ACSM2B: variants seen among roughly 807,000 people sequenced by gnomAD.
ACSM2B encodes the protein acyl-coenzyme A synthetase ACSM2B, mitochondrial.
Under a neutral mutation model 78.6 loss-of-function variants are expected in ACSM2B, and 58 were observed. That is an observed-to-expected ratio of 0.74 (90% CI 0.60 to 0.92). The LOEUF is 0.92. Among genes scored for constraint, ACSM2B ranks in the 40% least tolerant of loss-of-function variants. ACSM2B has a pLI of 0.00. For missense variants in ACSM2B, 688 were observed against 711.2 expected (o/e 0.97, Z 0.37); for synonymous variants, 257 against 256.8 (o/e 1.00, Z -0.01).
At chr16:20,545,758 A>C (rs1211938187) in intron 9 of ACSM2B, among the ~76,000 whole-genome samples, 1 of 152,234 alleles carries the variant, frequency 6.6e-6, no homozygotes, top group African/African-American at 2.4e-5. Context: ...AGTGAATGGC[A>C]TGGCAAGTAA....
rs1435273991 is a variant in ACSM2B, at chr16:20,566,246, A to ATT, written c.-8-1395_-8-1394dup. Among the ~76,000 whole-genome samples, 178 of 42,344 alleles carry ATT rather than the reference A, an allele frequency of 4.2e-3. 2 individuals are homozygous for ATT. The highest frequency in any genetic ancestry group is 0.017 in the East Asian group (19 of 1,088). 27.8% of individuals were successfully genotyped at this position (42,344 alleles called of 152,430 possible). ...CCATACCATACTGCCTTCATGGAAG[A>ATT]TTATATATATATATATATATATATA... On this transcript the variant is annotated intron_variant, in intron 1 of 13. Transcript: ENST00000329697.
intron 5 of ACSM2B, among the ~76,000 whole-genome samples, chr16:20,552,643 G>T (rs905841123): frequency 4.6e-5 from 7 of 152,160 alleles, no homozygotes; most frequent in African/African-American, 1.7e-4. Flanking sequence ...CAAGACATCT[G>T]CATGGCAAAT....
rs781297967 is a variant in ACSM2B at position 20,541,677 on chromosome 16, C to CTTTTTTTTTTTTTTTTTTTTTTT, written c.1510-905_1510-904insAAAAAAAAAAAAAAAAAAAAAAA. On this transcript the variant is annotated intron_variant, in intron 12 of 13. Coordinates refer to ENST00000329697, the MANE Select transcript of ACSM2B (RefSeq NM_001105069.2). ...TCTTTTTTCCTTTCTTTTTCTTTTT[C>CTTTTTTTTTTTTTTTTTTTTTTT]TTTCTTTTTTTTTTTTTTTTTTTGA... is the stretch of plus-strand genomic sequence containing the variant. 4.3e-5 allele frequency: 4 copies of CTTTTTTTTTTTTTTTTTTTTTTT among 92,598 alleles called. 1 individual carries two copies. Among genetic ancestry groups the CTTTTTTTTTTTTTTTTTTTTTTT allele is most frequent in the Non-Finnish European group, 3.9e-5 (2 of 51,508 alleles). The allele number at this position is 92,598 out of a possible 1,614,324, so 5.7% of individuals were successfully genotyped here. A position where few individuals can be genotyped will look rare whatever the true frequency, so the allele number is the denominator to read the frequency against.
At chr16:20,546,360 C>G in intron 9 of ACSM2B, 34 bp downstream of exon 9, 4 of 1,574,510 alleles carry the variant, frequency 2.5e-6, no homozygotes, top group Non-Finnish European at 2.6e-6. Flanking sequence ...AGTGTTTCCC[C>G]TAACTTCCTC....
Position 20,542,919 on chromosome 16 carries a change from C to T in ACSM2B, c.1504G>A (p.Gly502Arg). 6.2e-7 allele frequency: 1 copy of T among 1,613,748 alleles called. No individual in the cohort carries two copies. Among genetic ancestry groups the T allele is most frequent in the Non-Finnish European group, 8.5e-7 (1 of 1,179,860 alleles). Residue 502 changes from glycine (G) to arginine (R), a missense_variant, in exon 12 of 14, where the codon GGA becomes AGA. Transcript: ENST00000329697. ...AVISSPDPVRGEVVKAFVILA... is the reference protein window; with the variant it reads ...AVISSPDPVRREVVKAFVILA... ...GGCTACTGCTTCCCCATCACCTCTCCTCGGACGGGGTCTGGGCTGCTGATC... is the reference window on the plus strand; with the variant it reads ...GGCTACTGCTTCCCCATCACCTCTCTTCGGACGGGGTCTGGGCTGCTGATC...
chr16:20,561,432 G>A (rs2015651814), intron 2 of ACSM2B, among the ~76,000 whole-genome samples: 1 of 151,220 alleles, frequency 6.6e-6, no homozygotes, highest in Non-Finnish European at 1.5e-5. Flanking sequence ...AAGAGAGAGA[G>A]CGTGGGGAAG....
chr16:20,556,788 C>A (rs750984758), intron 3 of ACSM2B, among the ~76,000 whole-genome samples: 9 of 152,074 alleles, frequency 5.9e-5, no homozygotes, highest in Non-Finnish European at 1.0e-4. Flanking sequence ...CCATGGTGGT[C>A]AATTGAGACA....
At chr16:20,556,265 AT>A (rs2015471422) in intron 3 of ACSM2B, among the ~76,000 whole-genome samples, 1 of 152,174 alleles carries the variant, frequency 6.6e-6, no homozygotes, top group South Asian at 2.1e-4. Context: ...CTTCTTTACT[AT>A]TTTAATGAGA....
At chr16:20,563,658 T>C (rs1415830839) in intron 2 of ACSM2B, among the ~76,000 whole-genome samples, 1 of 151,822 alleles carries the variant, frequency 6.6e-6, no homozygotes, top group Non-Finnish European at 1.5e-5. Flanking sequence ...AACCTTATTT[T>C]TTTTAAGAGT....
At chr16:20,550,654 G>T (rs2015286303) in intron 6 of ACSM2B, among the ~76,000 whole-genome samples, 1 of 152,130 alleles carries the variant, frequency 6.6e-6, no homozygotes, top group African/African-American at 2.4e-5. Context: ...CGTCATCTAT[G>T]CCTTAGCTTG....
At chr16:20,566,682 G>GTATA (rs1235758959) in intron 1 of ACSM2B, among the ~76,000 whole-genome samples, 9 of 4,020 alleles carry the variant, frequency 2.2e-3, no homozygotes, top group Non-Finnish European at 2.7e-3. Flanking sequence ...TATACATATA[G>GTATA]TATATACTAT....
chr16:20,550,284 T>C (rs12596878), intron 6 of ACSM2B, among the ~76,000 whole-genome samples: 15,828 of 152,178 alleles, frequency 0.1, 1,367 homozygotes, highest in East Asian at 0.49. Flanking sequence ...GTGAGTATCA[T>C]GCAATAATTT....
At chr16:20,563,694 C>A (rs1418141990) in intron 2 of ACSM2B, among the ~76,000 whole-genome samples, 1 of 151,648 alleles carries the variant, frequency 6.6e-6, no homozygotes, top group Non-Finnish European at 1.5e-5. Flanking sequence ...CGTCTTCAGC[C>A]TAGAGGCAAG....
chr16:20,540,330 C>T (rs1417320953), intron 13 of ACSM2B, among the ~76,000 whole-genome samples: 1 of 150,656 alleles, frequency 6.6e-6, no homozygotes, highest in African/African-American at 2.4e-5. Flanking sequence ...GTAACCTACA[C>T]CTCCCAGATT....
Position 20,540,699 on chromosome 16 carries a change from C to G in ACSM2B, c.1584G>C (p.Gln528His), listed in dbSNP as rs750977574. 3 of 1,614,008 alleles carry G rather than the reference C, an allele frequency of 1.9e-6. No homozygotes were observed. The African/African-American group carries it at 4.0e-5, about 22-fold the overall frequency. ...HDPEQLTKEL[Q>H]QHVKSVTAPY... is the part of the protein sequence containing the mutation. Reference sequence around the variant, plus strand: ...GGGCTGTCACTGACTTCACATGCTGCTGCAGCTCCTTGGTGAGCTGTTCTG... The same window carrying G: ...GGGCTGTCACTGACTTCACATGCTGGTGCAGCTCCTTGGTGAGCTGTTCTG... The change falls in exon 13 of 14, where the codon CAG (glutamine) becomes CAC (histidine). Residue 528 changes from glutamine to histidine, a missense_variant. By Grantham distance (24) the Gln-to-His change is conservative. Transcript: ENST00000329697.
At chr16:20,565,046 AG>A (rs998434389) in intron 1 of ACSM2B, among the ~76,000 whole-genome samples, 193 bp from the exon 2 acceptor site, 68 of 152,232 alleles carry the variant, frequency 4.5e-4, no homozygotes, top group African/African-American at 1.6e-3. Context: ...AAGGCATAAG[AG>A]GATACAGACC....
chr16:20,571,047 AT>A (rs1246762375), intron 1 of ACSM2B, among the ~76,000 whole-genome samples: 3 of 150,782 alleles, frequency 2.0e-5, no homozygotes, highest in Non-Finnish European at 4.4e-5. Context: ...TATCTTTTGT[AT>A]TTTTTTATCT....
rs753515696 is a variant in ACSM2B at position 20,540,791 on chromosome 16, G to C, written c.1510-18C>G. 2.5e-6 allele frequency: 4 copies of C among 1,612,742 alleles called. No individual in the cohort carries two copies. The South Asian group carries it at 4.4e-5, about 18-fold the overall frequency. On this transcript the variant is annotated intron_variant, in intron 12 of 13. Transcript: ENST00000329697. ...TTCACCACCTGCAAAATAGATGAAG[G>C]CCAAGAGATAAGGGATTAGAGTGTG... is the stretch of plus-strand genomic sequence containing the variant.
At chr16:20,542,585 T>C (rs11649328) in intron 12 of ACSM2B, 85,427 of 311,630 alleles carry the variant, frequency 0.27, 14,654 homozygotes, top group East Asian at 0.83. Context: ...CTTTTTGATA[T>C]GCTGATTTCT....
Sources: allele counts gnomAD v4.1 joint callset (sites outside exome capture counted in the v4.1 genomes callset), GRCh38; gene constraint gnomAD v4.1.1; transcripts MANE v1.5; gene names NCBI Gene and HGNC (gene_info 2026-07-23, HGNC 2026-07-21).